PDE7B: variants seen among roughly 807,000 people sequenced by gnomAD.
PDE7B encodes the protein 3',5'-cyclic-AMP phosphodiesterase 7B.
In PDE7B, 29 loss-of-function variants were observed where a neutral mutation model predicts 56.2. The ratio of observed to expected loss-of-function variants is 0.52; its 90% CI spans 0.38 to 0.70. PDE7B has a LOEUF of 0.70. Ranked by LOEUF, PDE7B falls within the 30% of genes least tolerant of loss-of-function variation. The pLI is 0.00. For synonymous variants in PDE7B, 197 were observed against 196.9 expected, an observed-to-expected ratio of 1.00 and a Z score of 0.00; for missense variants, 490 against 565.0, an observed-to-expected ratio of 0.87 and a Z score of 1.35.
intron 2 of PDE7B, chr6:136,034,300 T>C (rs1776289838): frequency 6.6e-6 from 1 of 152,208 alleles, no homozygotes. Flanking sequence ...CCAAAAATTC[T>C]TCAACATAAT....
intron 3 of PDE7B, among the ~76,000 whole-genome samples, chr6:136,129,431 T>G (rs2128444428): frequency 6.6e-6 from 1 of 152,248 alleles, no homozygotes; most frequent in South Asian, 2.1e-4. Context: ...GCCACACTAC[T>G]TGCCCACTAG....
At chr6:135,888,498 A>G (rs1775750965) in intron 1 of PDE7B, among the ~76,000 whole-genome samples, 1 of 152,134 alleles carries the variant, frequency 6.6e-6, no homozygotes, top group African/African-American at 2.4e-5. Context: ...GTGTGCATGT[A>G]TAACACCTTA....
intron 1 of PDE7B, among the ~76,000 whole-genome samples, chr6:135,883,826 C>T (rs1173325458): frequency 6.6e-6 from 1 of 152,162 alleles, no homozygotes; most frequent in Non-Finnish European, 1.5e-5. Flanking sequence ...TGCTGGGGTG[C>T]CTCACTCTGA....
intron 1 of PDE7B, among the ~76,000 whole-genome samples, chr6:135,901,767 C>T (rs1776004757): frequency 1.3e-5 from 2 of 152,192 alleles, no homozygotes; most frequent in Admixed American, 1.3e-4. Flanking sequence ...GGTAGTTTTA[C>T]TGTACACAAA....
At chr6:136,093,845 C>G (rs929366778) in intron 2 of PDE7B, among the ~76,000 whole-genome samples, 1 of 152,180 alleles carries the variant, frequency 6.6e-6, no homozygotes, top group African/African-American at 2.4e-5. Flanking sequence ...AACAGAGCAG[C>G]CAGTGCAATC....
intron 2 of PDE7B, among the ~76,000 whole-genome samples, chr6:136,076,430 G>A (rs182985485): frequency 4.7e-4 from 72 of 152,202 alleles, no homozygotes; most frequent in African/African-American, 1.7e-3. Flanking sequence ...CCAAGATTGC[G>A]CCATTACACT....
At chr6:136,121,795 A>C (rs1777937862) in intron 3 of PDE7B, among the ~76,000 whole-genome samples, 1 of 152,160 alleles carries the variant, frequency 6.6e-6, no homozygotes. Flanking sequence ...AAGTGCATTC[A>C]AAAAAAGACC....
chr6:136,157,420 A>G (rs1445628192), intron 8 of PDE7B, among the ~76,000 whole-genome samples: 1 of 152,174 alleles, frequency 6.6e-6, no homozygotes, highest in African/African-American at 2.4e-5. Flanking sequence ...TCTACTAAAA[A>G]TACAAAAATT....
intron 2 of PDE7B, among the ~76,000 whole-genome samples, chr6:136,099,879 T>C (rs909648403): frequency 2.0e-5 from 3 of 152,232 alleles, no homozygotes; most frequent in Non-Finnish European, 4.4e-5. Flanking sequence ...ATTGCCTAGG[T>C]TTTCCTCTAG....
intron 11 of PDE7B, among the ~76,000 whole-genome samples, chr6:136,181,880 T>A (rs1212738699): frequency 6.6e-6 from 1 of 152,126 alleles, no homozygotes; most frequent in African/African-American, 2.4e-5. Context: ...TGGCCCTGAA[T>A]TAGGGTATAA....
intron 8 of PDE7B, among the ~76,000 whole-genome samples, chr6:136,172,408 A>T (rs1260060858): frequency 6.6e-6 from 1 of 152,084 alleles, no homozygotes; most frequent in Non-Finnish European, 1.5e-5. Flanking sequence ...GCATTTATTC[A>T]TGTGTTTTTT....
At chr6:135,925,355 T>G (rs1583774685) in intron 1 of PDE7B, among the ~76,000 whole-genome samples, 1 of 152,154 alleles carries the variant, frequency 6.6e-6, no homozygotes, top group African/African-American at 2.4e-5. Flanking sequence ...TACCTCACTC[T>G]CTATCTCAGC....
At chr6:136,189,596 A>G (rs1779189883) in intron 12 of PDE7B, among the ~76,000 whole-genome samples, 1 of 152,286 alleles carries the variant, frequency 6.6e-6, no homozygotes, top group South Asian at 2.1e-4. Flanking sequence ...ATTAAAACAA[A>G]AAAAGGTATT....
intron 3 of PDE7B, among the ~76,000 whole-genome samples, chr6:136,120,723 G>A (rs992470148): frequency 6.6e-6 from 1 of 152,154 alleles, no homozygotes; most frequent in Non-Finnish European, 1.5e-5. Flanking sequence ...TGCTTTTGTG[G>A]CACTATATGT....
intron 1 of PDE7B, among the ~76,000 whole-genome samples, chr6:135,857,267 A>AT (rs1025028065): frequency 6.6e-6 from 1 of 151,744 alleles, no homozygotes; most frequent in Non-Finnish European, 1.5e-5. Context: ...TCCTGCTGAT[A>AT]TTTTTTTCTT....
At position 136,058,430 on chromosome 6, in the gene PDE7B, T is replaced by C. The variant is rs532474273; in HGVS notation, c.83-50301T>C. ...GCATGCTCACTGGACAAAAACTATGTCCCCATCCCACCTCCAGTGTCTATT... is the reference window on the plus strand; with the variant it reads ...GCATGCTCACTGGACAAAAACTATGCCCCCATCCCACCTCCAGTGTCTATT... On this transcript the variant is annotated intron_variant, in intron 2 of 12. Transcript: ENST00000308191. 1.4e-4 allele frequency among the ~76,000 whole-genome samples: 22 copies of C among 152,192 alleles called. No individual in the cohort carries two copies. In the South Asian group the frequency reaches 3.9e-3, roughly 27 times the overall value.
intron 2 of PDE7B, chr6:136,038,380 C>G (rs750219781): frequency 2.7e-4 from 349 of 1,291,526 alleles, no homozygotes; most frequent in Non-Finnish European, 3.3e-4. Context: ...CCCCGGGAAG[C>G]CGGCCGGGGT....
At chr6:135,873,071 C>A (rs576354182) in intron 1 of PDE7B, among the ~76,000 whole-genome samples, 3 of 152,052 alleles carry the variant, frequency 2.0e-5, no homozygotes, top group Non-Finnish European at 4.4e-5. Flanking sequence ...TATACATGGA[C>A]GGTCCATGTA....
intron 2 of PDE7B, chr6:136,044,133 T>C (rs1776458981): frequency 6.6e-6 from 1 of 152,224 alleles, no homozygotes; most frequent in Non-Finnish European, 1.5e-5. Context: ...AGCCCCTTCA[T>C]GAATCCCTCC....
Sources: gnomAD v4.1 joint callset for allele counts (sites outside exome capture counted in the v4.1 genomes callset) on GRCh38, gnomAD v4.1.1 for gene constraint, MANE v1.5 for transcripts, NCBI Gene and HGNC (gene_info 2026-07-23, HGNC 2026-07-21) for gene names.